The following GRM7 variants were observed in gnomAD, a reference collection of about 807,000 sequenced individuals.
The protein encoded by GRM7 is metabotropic glutamate receptor 7.
In GRM7, 35 loss-of-function variants were observed where a neutral mutation model predicts 84.5. The observed-to-expected ratio is 0.41, with a 90% CI of 0.32 to 0.55. The LOEUF (loss-of-function observed/expected upper bound fraction) is 0.55. Among genes scored for constraint, GRM7 ranks in the 20% least tolerant of loss-of-function variants. GRM7 has a pLI of 0.19. For missense variants in GRM7, 1,003 were observed against 1,194.6 expected (o/e 0.84, Z 2.36); for synonymous variants, 487 against 455.1 (o/e 1.07, Z -0.89).
intron 1 of GRM7, among the ~76,000 whole-genome samples, chr3:7,072,973 C>CA: frequency 6.6e-6 from 1 of 152,238 alleles, no homozygotes; most frequent in East Asian, 1.9e-4. Flanking sequence ...TGTGGACAAT[C>CA]TGTAAGGATT....
intron 4 of GRM7, among the ~76,000 whole-genome samples, chr3:7,357,472 C>G (rs1366386986): frequency 2.0e-5 from 3 of 152,070 alleles, no homozygotes; most frequent in Non-Finnish European, 4.4e-5. Flanking sequence ...ATGTCTCAAA[C>G]TGGCAGTTCC....
chr3:7,511,509 A>T (rs1423461877), intron 7 of GRM7, among the ~76,000 whole-genome samples: 2 of 150,128 alleles, frequency 1.3e-5, no homozygotes, highest in Non-Finnish European at 2.9e-5. Flanking sequence ...CTCATTACAG[A>T]CTGTGTTTGC....
intron 9 of GRM7, among the ~76,000 whole-genome samples, chr3:7,696,146 T>A (rs971609041): frequency 3.3e-5 from 5 of 152,202 alleles, no homozygotes; most frequent in African/African-American, 4.8e-5. Context: ...ATACTCCCCA[T>A]TGCTTATGAG....
At chr3:7,039,619 C>G (rs757219396) in intron 1 of GRM7, among the ~76,000 whole-genome samples, 1 of 152,010 alleles carries the variant, frequency 6.6e-6, no homozygotes, top group Non-Finnish European at 1.5e-5. Flanking sequence ...AATCAGAGGA[C>G]CCATAATTTC....
chr3:7,697,506 T>TA (rs1394982896), intron 9 of GRM7, among the ~76,000 whole-genome samples: 1 of 152,180 alleles, frequency 6.6e-6, no homozygotes, highest in Non-Finnish European at 1.5e-5. Flanking sequence ...ATTTTTGAAC[T>TA]AAAAAATTTA....
At chr3:6,963,971 C>A (rs1274487345) in intron 1 of GRM7, among the ~76,000 whole-genome samples, 1 of 152,150 alleles carries the variant, frequency 6.6e-6, no homozygotes, top group Non-Finnish European at 1.5e-5. Flanking sequence ...CTTCATTTCA[C>A]CAACTTAATT....
chr3:6,937,936 G>T (rs535590331), intron 1 of GRM7, among the ~76,000 whole-genome samples: 1 of 152,206 alleles, frequency 6.6e-6, no homozygotes. Context: ...ATCCTCACAA[G>T]TCTCTTAATA....
intron 1 of GRM7, among the ~76,000 whole-genome samples, chr3:6,999,894 G>T (rs1484805040): frequency 6.6e-6 from 1 of 152,082 alleles, no homozygotes; most frequent in Admixed American, 6.6e-5. Context: ...TTTGTGTGGG[G>T]ACACAGCCAA....
chr3:7,177,035 T>G (rs1448433810), intron 2 of GRM7, among the ~76,000 whole-genome samples: 1 of 152,196 alleles, frequency 6.6e-6, no homozygotes, highest in Admixed American at 6.5e-5. Flanking sequence ...TCTTTTCACA[T>G]AGACTCCAAA....
At chr3:6,886,739 C>G (rs925497870) in intron 1 of GRM7, among the ~76,000 whole-genome samples, 25 of 151,594 alleles carry the variant, frequency 1.6e-4, no homozygotes, top group Admixed American at 3.3e-4. Context: ...TATCATTACT[C>G]TGTTAATTCT....
At position 6,861,737 on chromosome 3, in the gene GRM7, G is replaced by A. The variant is rs748476058; in HGVS notation, c.349G>A (p.Glu117Lys). The A allele has an allele frequency of 6.2e-6, 10 of 1,614,230 alleles. No homozygotes were observed. The highest frequency in any genetic ancestry group is 6.8e-6 in the Non-Finnish European group (8 of 1,180,048). The part of the protein sequence containing the change: ...DTCSRDTYAL[E>K]QSLTFVQALI... Reference sequence around the variant, plus strand: ...TTGTTCCAGGGACACTTACGCGCTCGAACAGTCGCTTACTTTCGTCCAGGC... The same window carrying A: ...TTGTTCCAGGGACACTTACGCGCTCAAACAGTCGCTTACTTTCGTCCAGGC... The change falls in exon 1 of 10, where the codon GAA becomes AAA. Residue 117 changes from glutamate to lysine, a missense_variant. Physicochemically the swap from Glu to Lys is moderately conservative, Grantham distance 56. Coordinates refer to ENST00000357716, the MANE Select transcript of GRM7 (RefSeq NM_000844.4). This position sits in a 1 kb window ranked among gnomAD's most constrained non-coding sequence, Gnocchi z 6.4.
intron 7 of GRM7, among the ~76,000 whole-genome samples, chr3:7,480,738 C>T (rs1006411440): frequency 6.6e-6 from 1 of 152,128 alleles, no homozygotes; most frequent in African/African-American, 2.4e-5. Context: ...GGGTTTCAAA[C>T]TTTGCTGTAC....
At chr3:7,352,792 T>G (rs1693219840) in intron 4 of GRM7, among the ~76,000 whole-genome samples, 1 of 152,102 alleles carries the variant, frequency 6.6e-6, no homozygotes, top group African/African-American at 2.4e-5. Context: ...TATCAGTCTT[T>G]TCACCTCTGA....
At chr3:7,285,333 C>T (rs1032890425) in intron 2 of GRM7, among the ~76,000 whole-genome samples, 1 of 152,066 alleles carries the variant, frequency 6.6e-6, no homozygotes, top group Non-Finnish European at 1.5e-5. Flanking sequence ...TTTAAAACCC[C>T]CTACAGACAG....
chr3:6,913,994 T>C (rs1219451119), intron 1 of GRM7, among the ~76,000 whole-genome samples: 3 of 152,196 alleles, frequency 2.0e-5, no homozygotes, highest in African/African-American at 7.2e-5. Context: ...ACTCCTCATT[T>C]ATTTCTTTCA....
At chr3:7,683,914 G>A (rs1700477440) in intron 9 of GRM7, among the ~76,000 whole-genome samples, 1 of 138,564 alleles carries the variant, frequency 7.2e-6, no homozygotes, top group African/African-American at 2.7e-5. Context: ...TTTTAGCATT[G>A]ATACTGATCT....
chr3:7,027,345 G>C (rs1048161160), intron 1 of GRM7, among the ~76,000 whole-genome samples: 9 of 152,114 alleles, frequency 5.9e-5, no homozygotes, highest in Non-Finnish European at 1.3e-4. Flanking sequence ...GATGACAACA[G>C]CTACCAAAAT....
At chr3:7,511,025 C>G (rs1162741130) in intron 7 of GRM7, among the ~76,000 whole-genome samples, 1 of 152,036 alleles carries the variant, frequency 6.6e-6, no homozygotes, top group African/African-American at 2.4e-5. Flanking sequence ...GTCAGAATTC[C>G]TTAGGGAATT....
At chr3:7,067,092 T>C (rs1697691547) in intron 1 of GRM7, among the ~76,000 whole-genome samples, 1 of 151,992 alleles carries the variant, frequency 6.6e-6, no homozygotes, top group Non-Finnish European at 1.5e-5. Flanking sequence ...TTAAAAGCAT[T>C]CCCTCTGAGA....
Sources: gnomAD v4.1 joint callset for allele counts (sites outside exome capture counted in the v4.1 genomes callset) on GRCh38, gnomAD v4.1.1 for gene constraint, Gnocchi (gnomAD v3.1) non-coding constraint, MANE v1.5 for transcripts, NCBI Gene and HGNC (gene_info 2026-07-23, HGNC 2026-07-21) for gene names.